Variants in NHSL1 observed in about 807,000 individuals in gnomAD.
NHSL1 encodes the protein NHS-like protein 1.
A neutral mutation model predicts 95.0 loss-of-function variants in NHSL1; 48 were observed. The observed-to-expected ratio is 0.51, with a 90% CI of 0.40 to 0.64. NHSL1 has a LOEUF of 0.64. NHSL1 is among the 30% of genes least tolerant of loss of function. NHSL1 has a pLI of 0.00. For synonymous variants in NHSL1, 783 were observed against 833.9 expected, an observed-to-expected ratio of 0.94 and a Z score of 1.05; for missense variants, 1,971 against 2,077.7, an observed-to-expected ratio of 0.95 and a Z score of 1.00.
intron 3 of NHSL1, among the ~76,000 whole-genome samples, chr6:138,447,956 C>A (rs1776970788): frequency 6.6e-6 from 1 of 152,108 alleles, no homozygotes; most frequent in African/African-American, 2.4e-5. Flanking sequence ...AATGATAGAG[C>A]TATTGTTGTT....
Position 138,640,961 on chromosome 6 carries a change from T to A in NHSL1, c.96+51515A>T, listed in dbSNP as rs182496526. On this transcript the variant is annotated intron_variant, in intron 1 of 3. Coordinates refer to the NHSL1 transcript ENST00000491526. Reference sequence around the variant, plus strand: ...CAATGGTTTTCTAACTGAAAAATAATGTTTCCAAAATATTGTAGACTTGGT... The same window carrying A: ...CAATGGTTTTCTAACTGAAAAATAAAGTTTCCAAAATATTGTAGACTTGGT... 6.0e-4 allele frequency among the ~76,000 whole-genome samples: 92 copies of A among 152,346 alleles called. 2 individuals carry two copies. Among genetic ancestry groups the A allele is most frequent in the Middle Eastern group, 6.8e-3 (2 of 294 alleles).
At chr6:138,598,567 G>A (rs1350269847) in intron 1 of NHSL1, among the ~76,000 whole-genome samples, 1 of 145,916 alleles carries the variant, frequency 6.9e-6, no homozygotes, top group African/African-American at 2.6e-5. Flanking sequence ...GCTGCAGTGA[G>A]CCATGAACAT....
intron 1 of NHSL1, among the ~76,000 whole-genome samples, chr6:138,584,580 T>G (rs1784105944): frequency 6.6e-6 from 1 of 152,150 alleles, no homozygotes; most frequent in Non-Finnish European, 1.5e-5. Flanking sequence ...ACTTATTCAA[T>G]AAGGAGAAAT....
chr6:138,495,069 C>A (rs372316478), intron 2 of NHSL1, among the ~76,000 whole-genome samples: 1 of 151,994 alleles, frequency 6.6e-6, no homozygotes, highest in Non-Finnish European at 1.5e-5. Flanking sequence ...GTGGTGAAAC[C>A]CCATCTCTAC....
At chr6:138,429,645 T>C (rs1775494175) in intron 7 of NHSL1, 66 bp downstream of exon 7, 1 of 1,377,568 alleles carries the variant, frequency 7.3e-7, no homozygotes, top group Non-Finnish European at 9.7e-7. Context: ...AAAAGTAAAT[T>C]GAGGTGCTGC....
At chr6:138,490,300 A>G (rs1247495294) in intron 2 of NHSL1, among the ~76,000 whole-genome samples, 3 of 152,166 alleles carry the variant, frequency 2.0e-5, no homozygotes, top group Admixed American at 1.3e-4. Flanking sequence ...TCCACAGGCC[A>G]TTCCTACAAA....
At chr6:138,611,213 G>A (rs940033214) in intron 1 of NHSL1, among the ~76,000 whole-genome samples, 3 of 152,168 alleles carry the variant, frequency 2.0e-5, no homozygotes, top group East Asian at 1.9e-4. Context: ...GTAGGAAACC[G>A]TCAGTGTCAA....
rs147765205 is a variant in NHSL1, at chr6:138,458,721, G to A, written c.340-11528C>T. Among the ~76,000 whole-genome samples the A allele has an allele frequency of 3.4e-3, 520 of 151,914 alleles. 5 individuals carry two copies. Among genetic ancestry groups the A allele is most frequent in the African/African-American group, 0.012 (504 of 41,426 alleles). On this transcript the variant is annotated intron_variant, in intron 3 of 7. Transcript: ENST00000343505. ...TGTGCCTGTAGTCCCAGCTACTCGG[G>A]AGGCTGAGCCAGGAGAATCGCTTGA...
At chr6:138,459,454 T>C (rs1190517259) in intron 3 of NHSL1, among the ~76,000 whole-genome samples, 2 of 152,248 alleles carry the variant, frequency 1.3e-5, no homozygotes, top group Non-Finnish European at 2.9e-5. Flanking sequence ...TATACCTTAC[T>C]ATATCATTGA....
chr6:138,497,935 T>G (rs1325470586), intron 1 of NHSL1, among the ~76,000 whole-genome samples: 1 of 152,268 alleles, frequency 6.6e-6, no homozygotes, highest in East Asian at 1.9e-4. Flanking sequence ...ATGTCCATTG[T>G]GCTTTCTGCT....
intron 1 of NHSL1, among the ~76,000 whole-genome samples, chr6:138,672,407 G>A (rs149342720): frequency 1.8e-4 from 28 of 152,038 alleles, no homozygotes; most frequent in East Asian, 7.7e-4. Context: ...TCCTCTGACC[G>A]CCCAGCACTC....
At chr6:138,478,647 TTAAAGCCAGGTTA>T (rs1779235619) in intron 2 of NHSL1, among the ~76,000 whole-genome samples, 2 of 152,186 alleles carry the variant, frequency 1.3e-5, no homozygotes, top group African/African-American at 2.4e-5. Context: ...AGAGCATAAT[TTAAAGCCAGGTTA>T]TGCCTGCGAC....
chr6:138,618,669 A>C (rs765767110), intron 1 of NHSL1, among the ~76,000 whole-genome samples: 1 of 152,174 alleles, frequency 6.6e-6, no homozygotes, highest in Non-Finnish European at 1.5e-5. Flanking sequence ...ACCATTATGG[A>C]AGGGAAGAAT....
At chr6:138,464,231 GC>G in intron 3 of NHSL1, 1 of 819,688 alleles carries the variant, frequency 1.2e-6, no homozygotes, top group Non-Finnish European at 2.0e-6. Context: ...CGCCAGCTTG[GC>G]CATCACGGCC....
intron 1 of NHSL1, among the ~76,000 whole-genome samples, chr6:138,509,826 T>A (rs1228310684): frequency 2.6e-5 from 4 of 152,166 alleles, no homozygotes; most frequent in Non-Finnish European, 1.5e-5. Context: ...CAAGCCCACA[T>A]TAAGGAAGTA....
intron 1 of NHSL1, among the ~76,000 whole-genome samples, chr6:138,642,135 T>C (rs1784967414): frequency 6.6e-6 from 1 of 152,252 alleles, no homozygotes; most frequent in South Asian, 2.1e-4. Flanking sequence ...ATCACTTAAA[T>C]TTTTGAGTTG....
chr6:138,643,378 T>C lies in NHSL1; in HGVS notation c.96+49098A>G, dbSNP rs151179499. 1.8e-3 allele frequency among the ~76,000 whole-genome samples: 275 copies of C among 152,292 alleles called. 3 individuals are homozygous for C. Among genetic ancestry groups the C allele is most frequent in the East Asian group, 0.015 (76 of 5,178 alleles). On this transcript the variant is annotated intron_variant, in intron 1 of 3. Coordinates refer to the NHSL1 transcript ENST00000491526. ...ATTTGTTACAACTGATGAACCAACATTGACCCGTCATTATCACCCAGAGTC... is the reference window on the plus strand; with the variant it reads ...ATTTGTTACAACTGATGAACCAACACTGACCCGTCATTATCACCCAGAGTC...
intron 1 of NHSL1, among the ~76,000 whole-genome samples, chr6:138,526,285 C>T (rs1415872780): frequency 1.3e-5 from 2 of 151,964 alleles, no homozygotes; most frequent in South Asian, 2.1e-4. Context: ...GAGTTCGGAG[C>T]CAGCCTGGGC....
chr6:138,443,152 T>A (rs1776640477), intron 4 of NHSL1, among the ~76,000 whole-genome samples: 1 of 140,032 alleles, frequency 7.1e-6, no homozygotes, highest in African/African-American at 2.7e-5. Context: ...TATTGACACA[T>A]ATTCAATGTA....
Sources: allele counts gnomAD v4.1 joint callset (sites outside exome capture counted in the v4.1 genomes callset), GRCh38; gene constraint gnomAD v4.1.1; transcripts MANE v1.5; gene names NCBI Gene and HGNC (gene_info 2026-07-23, HGNC 2026-07-21).